The following AFDN variants were observed in gnomAD, a reference collection of about 807,000 sequenced individuals.
The protein encoded by AFDN is afadin.
In AFDN, 68 loss-of-function variants were observed where a neutral mutation model predicts 216.6. That is an observed-to-expected ratio of 0.31 (90% confidence interval 0.26 to 0.38). The LOEUF is 0.38. Ranked by LOEUF, AFDN falls within the 10% of genes least tolerant of loss-of-function variation. AFDN has a pLI of 1.00. For synonymous variants in AFDN, 868 were observed against 853.7 expected, an observed-to-expected ratio of 1.02 and a Z score of -0.29; for missense variants, 2,136 against 2,342.0, an observed-to-expected ratio of 0.91 and a Z score of 1.82.
At chr6:167,885,962 CTAAG>C (rs1180063928) in intron 6 of AFDN, among the ~76,000 whole-genome samples, 5 of 152,074 alleles carry the variant, frequency 3.3e-5, no homozygotes, top group Non-Finnish European at 5.9e-5. Context: ...AGCTTACAAA[CTAAG>C]TGAGGGAAAG....
chr6:167,966,956 C>A (rs1219236627), intron 32 of AFDN, among the ~76,000 whole-genome samples: 2 of 152,202 alleles, frequency 1.3e-5, no homozygotes, highest in Admixed American at 6.5e-5. Flanking sequence ...AGCAGCCAGA[C>A]CTTAGCAGGC....
rs1382205664 is a variant in AFDN at position 167,917,151 on chromosome 6, C to G, written c.2628C>G (p.Thr876=). Residue 876 remains threonine (T), a synonymous_variant, in exon 20 of 34, where the codon ACC becomes ACG. Transcript: ENST00000683244. ...ATGACATTCCAAATATAAACAGCAC[C>G]TGCTTTAAGTTAAATTCATTACAAC... ...APDDIPNINS[T]CFKLNSLQLQ... 3.0e-5 allele frequency: 48 copies of G among 1,612,860 alleles called. No homozygotes were observed. The highest frequency in any genetic ancestry group is 4.1e-5 in the Non-Finnish European group (48 of 1,179,662).
intron 15 of AFDN, 31 bp downstream of exon 15, chr6:167,911,520 C>T (rs746332689): frequency 1.2e-6 from 2 of 1,600,062 alleles, no homozygotes; most frequent in African/African-American, 2.7e-5. Flanking sequence ...CATGCTCCTC[C>T]AGTGATTGTG....
chr6:167,887,952 TCATTG>T (rs1279761577), intron 6 of AFDN, among the ~76,000 whole-genome samples: 2 of 152,152 alleles, frequency 1.3e-5, no homozygotes, highest in African/African-American at 4.8e-5. Context: ...AGAATGAAAA[TCATTG>T]AATGCTTTCT....
chr6:167,951,874 T>A lies in AFDN; in HGVS notation c.4520T>A (p.Val1507Asp). Residue 1507 changes from valine (V) to aspartate (D), a missense_variant, in exon 30 of 34, where the codon GTC becomes GAC. Coordinates refer to ENST00000683244, the MANE Select transcript of AFDN (RefSeq NM_001386888.1). This position sits in a 1 kb window ranked among gnomAD's most constrained non-coding sequence, Gnocchi z 7.1. ...CGCAGAGACTTGCAGTACATTACAG[T>A]CAGCAAAGAGGAGCTTTCCTCGGGG... ...IERRDLQYIT[V>D]SKEELSSGDS... The A allele has an allele frequency of 6.2e-7, 1 of 1,613,888 alleles. No individual in the cohort carries two copies. The highest frequency in any genetic ancestry group is 2.2e-5 in the East Asian group (1 of 44,846).
chr6:167,863,757 AG>A (rs1447098423), intron 1 of AFDN: 1 of 518,756 alleles, frequency 1.9e-6, no homozygotes, highest in South Asian at 1.4e-5. Flanking sequence ...ATACCTGTGG[AG>A]GGGATACCTT....
At chr6:167,966,173 G>T in intron 32 of AFDN, 128 bp downstream of exon 32, 1 of 1,534,476 alleles carries the variant, frequency 6.5e-7, no homozygotes, top group Non-Finnish European at 8.7e-7. Context: ...ACTCATTCCA[G>T]CCACCCTCAG....
In AFDN at chr6:167,946,832, A is replaced by G. The variant is rs1005085360; in HGVS notation, c.3484A>G (p.Lys1162Glu). ...GCCTTGGGCAGAATATAGTGAACCA[A>G]AGAAATTGCCTGGTGATGACAGACT... Reference protein sequence around the residue: ...QLPWAEYSEPKKLPGDDRLMK... With the variant: ...QLPWAEYSEPEKLPGDDRLMK... Residue 1162 changes from lysine (K) to glutamate (E), a missense_variant, in exon 27 of 34, where the codon AAG (lysine) becomes GAG (glutamate). Physicochemically the swap from Lys to Glu is moderately conservative, Grantham distance 56. This residue lies in a region of AFDN where 981 missense variants were observed against 966.0 expected (regional missense o/e 1.02). Coordinates refer to ENST00000683244, the MANE Select transcript of AFDN (RefSeq NM_001386888.1). 18 of 1,612,654 alleles carry G rather than the reference A, an allele frequency of 1.1e-5. No homozygotes were observed. The highest frequency in any genetic ancestry group is 6.7e-5 in the Admixed American group (4 of 59,696).
intron 1 of AFDN, among the ~76,000 whole-genome samples, chr6:167,835,948 T>C (rs1314628775): frequency 6.6e-6 from 1 of 152,256 alleles, no homozygotes; most frequent in African/African-American, 2.4e-5. Context: ...GGCTATAATA[T>C]AAACGTATAA....
chr6:167,859,987 C>T (rs906712380), intron 1 of AFDN, among the ~76,000 whole-genome samples: 1 of 149,044 alleles, frequency 6.7e-6, no homozygotes, highest in Non-Finnish European at 1.5e-5. Context: ...AGGTTTCCTT[C>T]CCTTTGAATT....
intron 19 of AFDN, 75 bp downstream of exon 19, chr6:167,915,508 T>C: frequency 6.7e-7 from 1 of 1,501,936 alleles, no homozygotes; most frequent in Non-Finnish European, 8.9e-7. Flanking sequence ...AGCAAGAGCT[T>C]CAATGCAGCA....
At chr6:167,913,837 C>T in intron 16 of AFDN, 1 of 422,372 alleles carries the variant, frequency 2.4e-6, no homozygotes, top group South Asian at 3.1e-5. Flanking sequence ...TGTATGTATA[C>T]TGCACAGACT....
At chr6:167,952,934 AAACT>A (rs1475312428) in intron 30 of AFDN, among the ~76,000 whole-genome samples, 3 of 152,262 alleles carry the variant, frequency 2.0e-5, no homozygotes, top group Non-Finnish European at 2.9e-5. Flanking sequence ...TGTTTTAAAT[AAACT>A]AACAAAAGTA....
chr6:167,879,952 A>G (rs1371605761), intron 5 of AFDN, among the ~76,000 whole-genome samples: 1 of 152,206 alleles, frequency 6.6e-6, no homozygotes, highest in Non-Finnish European at 1.5e-5. Context: ...GGAAGTAGGA[A>G]AATGGGAGAA....
Position 167,891,219 on chromosome 6 carries a change from T to C in AFDN, c.1177+190T>C, listed in dbSNP as rs188345916. 8.9e-4 allele frequency among the ~76,000 whole-genome samples: 136 copies of C among 152,324 alleles called. 1 individual carries two copies. The East Asian group carries it at 0.021, about 24-fold the overall frequency. On this transcript the variant is annotated intron_variant, in intron 8 of 33. Transcript: ENST00000683244. ...TATTAAAACTTAAGGTTGTAAAATA[T>C]GTATATGTTTACATAAAAATGGTTC...
chr6:167,918,932 A>G lies in AFDN; in HGVS notation c.2907A>G (p.Arg969=). 6.2e-7 allele frequency: 1 copy of G among 1,612,752 alleles called. No homozygotes were observed. The highest frequency in any genetic ancestry group is 8.5e-7 in the Non-Finnish European group (1 of 1,179,090). ...LQEFLDPLCQ[R]GFCRLIPHTR... ...AATTTTTAGACCCTCTGTGCCAGAG[A>G]GGTAAATTAGTCTAAATGCCTGAGT... Residue 969 remains arginine (R), a splice_region_variant and synonymous_variant, in exon 21 of 34, where the codon AGA becomes AGG. Transcript: ENST00000683244.
rs1427200488 is a variant in AFDN, at chr6:167,922,935, C to A, written c.2988C>A (p.His996Gln). The A allele has an allele frequency of 6.2e-7, 1 of 1,612,730 alleles. No homozygotes were observed. Among genetic ancestry groups the A allele is most frequent in the African/African-American group, 1.3e-5 (1 of 74,860 alleles). ...TTGAAGGTGCAGATTATGAAAGTCA[C>A]CTTCTGCGTGAGAACACAGAGCTGG... ...IYFEGADYES[H>Q]LLRENTELAQ... is the part of the protein sequence containing the mutation. Residue 996 changes from histidine (H) to glutamine (Q), a missense_variant, in exon 22 of 34, where the codon CAC becomes CAA. His to Gln is a conservative substitution (Grantham distance 24). This residue lies in a region of AFDN where 162 missense variants were observed against 182.6 expected (regional missense o/e 0.89). Transcript: ENST00000683244.
rs112886266 is a variant in AFDN at position 167,947,163 on chromosome 6, A to G, written c.3553+262A>G. Among the ~76,000 whole-genome samples the G allele has an allele frequency of 5.3e-3, 777 of 146,672 alleles. 1 individual carries two copies. The highest frequency in any genetic ancestry group is 0.021 in the Middle Eastern group (6 of 288). ...TTGGTAAATTACCAAGAGAAACTAA[A>G]ATATGTTTTACATTTTTTTTTTTTT... On this transcript the variant is annotated intron_variant, in intron 27 of 33. Transcript: ENST00000683244.
At chr6:167,938,072 C>T (rs1003377591) in intron 23 of AFDN, among the ~76,000 whole-genome samples, 1 of 152,068 alleles carries the variant, frequency 6.6e-6, no homozygotes, top group Non-Finnish European at 1.5e-5. Flanking sequence ...ACTCACTGCT[C>T]AAAGAGAACA....
Sources: allele counts gnomAD v4.1 joint callset (sites outside exome capture counted in the v4.1 genomes callset), GRCh38; gene constraint gnomAD v4.1.1; regional missense constraint gnomAD v4.1.1; non-coding constraint Gnocchi (gnomAD v3.1); transcripts MANE v1.5; gene names NCBI Gene and HGNC (gene_info 2026-07-23, HGNC 2026-07-21).